Variants in PAG1 observed in about 807,000 individuals in gnomAD.
PAG1 encodes phosphoprotein membrane anchor with glycosphingolipid microdomains 1.
Under a neutral mutation model 31.7 loss-of-function variants are expected in PAG1, and 23 were observed. The ratio of observed to expected loss-of-function variants is 0.73; its 90% CI spans 0.52 to 1.03. The LOEUF is 1.03. Among genes scored for constraint, PAG1 ranks in the 50% least tolerant of loss-of-function variants. The pLI is 0.00. For synonymous variants in PAG1, 214 were observed against 210.3 expected (o/e 1.02, Z -0.15); for missense variants, 473 against 540.7 (o/e 0.87, Z 1.24).
rs1415008249 is a variant in PAG1 at position 80,987,443 on chromosome 8, G to A, written c.201C>T (p.Ser67=). The change falls in exon 6 of 9, where the codon AGC becomes AGT. Residue 67 remains serine (S), a synonymous_variant. Coordinates refer to ENST00000220597, the MANE Select transcript of PAG1 (RefSeq NM_018440.4). Reference sequence around the variant, plus strand: ...CTGTTGCCAGGCTAGTAACTGAACGGCTGAACATCTCCTTGTCTGAAGGCT... The same window carrying A: ...CTGTTGCCAGGCTAGTAACTGAACGACTGAACATCTCCTTGTCTGAAGGCT... ...MNVPSDKEMF[S]RSVTSLATDA... 2 of 1,613,550 alleles carry A rather than the reference G, an allele frequency of 1.2e-6. No individual in the cohort carries two copies. Among genetic ancestry groups the A allele is most frequent in the South Asian group, 1.1e-5 (1 of 91,068 alleles).
At chr8:81,011,161 G>A (rs939611533) in intron 3 of PAG1, among the ~76,000 whole-genome samples, 4 of 152,006 alleles carry the variant, frequency 2.6e-5, no homozygotes, top group African/African-American at 7.3e-5. Context: ...GAACCTTCAT[G>A]AGCACAAACT....
At chr8:81,018,648 C>A (rs1410104762) in intron 3 of PAG1, among the ~76,000 whole-genome samples, 1 of 152,224 alleles carries the variant, frequency 6.6e-6, no homozygotes, top group African/African-American at 2.4e-5. Flanking sequence ...TGCTCTCTTG[C>A]CTGCTGCCAT....
intron 2 of PAG1, among the ~76,000 whole-genome samples, chr8:81,034,290 A>G (rs1332732451): frequency 1.3e-5 from 2 of 152,218 alleles, no homozygotes; most frequent in East Asian, 3.9e-4. Flanking sequence ...ATTGCTCAAT[A>G]TTTATTCACT....
intron 3 of PAG1, among the ~76,000 whole-genome samples, chr8:81,001,079 T>A (rs1055620090): frequency 2.6e-5 from 4 of 152,234 alleles, no homozygotes; most frequent in Non-Finnish European, 5.9e-5. Flanking sequence ...CTAAGCATCC[T>A]ATGAGTCTCA....
intron 2 of PAG1, among the ~76,000 whole-genome samples, chr8:81,035,252 T>C (rs1808444032): frequency 6.6e-6 from 1 of 152,000 alleles, no homozygotes; most frequent in South Asian, 2.1e-4. Context: ...ACACAGACTA[T>C]GAGACCCAAA....
At chr8:81,101,884 A>C (rs1010317083) in intron 1 of PAG1, among the ~76,000 whole-genome samples, 2 of 152,172 alleles carry the variant, frequency 1.3e-5, no homozygotes, top group Non-Finnish European at 2.9e-5. Context: ...GACAAAGAAA[A>C]TTTAATTACT....
chr8:81,004,451 A>G, intron 3 of PAG1, among the ~76,000 whole-genome samples: 1 of 152,208 alleles, frequency 6.6e-6, no homozygotes, highest in East Asian at 1.9e-4. Flanking sequence ...CATTAAACAC[A>G]TAATTGATAA....
At chr8:81,025,379 C>A (rs954296519) in intron 3 of PAG1, among the ~76,000 whole-genome samples, 2 of 152,174 alleles carry the variant, frequency 1.3e-5, no homozygotes, top group Admixed American at 6.5e-5. Flanking sequence ...TGTTTGTTTT[C>A]TCTTTTGGGG....
At position 81,052,280 on chromosome 8, in the gene PAG1, C is replaced by T. The variant is rs192694509; in HGVS notation, c.-175+17832G>A. On this transcript the variant is annotated intron_variant, in intron 2 of 8. Transcript: ENST00000220597. ...GTGATTTTTATGTGATACTCTGTGT[C>T]GAGACTTTAAGTGCCACCTCTAGCT... is the stretch of plus-strand genomic sequence containing the variant. Among the ~76,000 whole-genome samples the T allele has an allele frequency of 2.7e-3, 413 of 152,112 alleles. 3 individuals are homozygous for T. Among genetic ancestry groups the T allele is most frequent in the African/African-American group, 9.4e-3 (390 of 41,500 alleles).
At chr8:81,021,757 A>AAGGTTAAAAAG (rs1808176004) in intron 3 of PAG1, among the ~76,000 whole-genome samples, 1 of 152,096 alleles carries the variant, frequency 6.6e-6, no homozygotes, top group Admixed American at 6.6e-5. Flanking sequence ...AAAGAATTCG[A>AAGGTTAAAAAG]CATTTAGAAG....
In PAG1 at chr8:80,968,516, A is replaced by G. The variant is rs996281524; in HGVS notation, c.*8028T>C. 2.0e-5 allele frequency: 3 copies of G among 152,178 alleles called. No individual in the cohort carries two copies. Among genetic ancestry groups the G allele is most frequent in the Non-Finnish European group, 4.4e-5 (3 of 68,016 alleles). 9.4% of individuals were successfully genotyped at this position (152,178 alleles called of 1,614,324 possible). A position where few individuals can be genotyped will look rare whatever the true frequency, so the allele number is the denominator to read the frequency against. On this transcript the variant is annotated 3_prime_UTR_variant, in exon 9 of 9. Transcript: ENST00000220597. The stretch of plus-strand genomic sequence containing the variant: ...ATAAATAAAAAAGTGCATTTTTTTC[A>G]CCCATAAAAATTTTTGAAATACTAT...
intron 2 of PAG1, among the ~76,000 whole-genome samples, chr8:81,031,537 G>A (rs1471222200): frequency 3.9e-5 from 6 of 152,166 alleles, no homozygotes; most frequent in Non-Finnish European, 8.8e-5. Flanking sequence ...GAATTCTCCT[G>A]AATTAGCCAG....
At chr8:81,057,846 C>A (rs1353169070) in intron 2 of PAG1, among the ~76,000 whole-genome samples, 4 of 152,102 alleles carry the variant, frequency 2.6e-5, no homozygotes, top group Non-Finnish European at 5.9e-5. Context: ...ATCCCTTTTT[C>A]AAGTTAATGA....
chr8:80,994,276 C>G (rs1163386083), intron 3 of PAG1, among the ~76,000 whole-genome samples: 1 of 152,176 alleles, frequency 6.6e-6, no homozygotes, highest in East Asian at 1.9e-4. Context: ...TTTACACTAC[C>G]CTGCTGTGAG....
chr8:81,051,053 C>T (rs941720420), intron 2 of PAG1, among the ~76,000 whole-genome samples: 1 of 152,196 alleles, frequency 6.6e-6, no homozygotes, highest in Non-Finnish European at 1.5e-5. Flanking sequence ...ATATATATGC[C>T]TCTTAATGAA....
At position 81,089,151 on chromosome 8, in the gene PAG1, T is replaced by G. The variant is rs1809406168; in HGVS notation, c.-233-18981A>C. On this transcript the variant is annotated intron_variant, in intron 1 of 8. Transcript: ENST00000220597. ...GGTCTGAGACAAAGGACTTAATTAT[T>G]TATGGGATAGTTAACAGCATTAAGT... is the stretch of plus-strand genomic sequence containing the variant. 2.6e-5 allele frequency among the ~76,000 whole-genome samples: 4 copies of G among 152,324 alleles called. No homozygotes were observed. The South Asian group carries it at 8.3e-4, about 32-fold the overall frequency.
At chr8:81,009,331 T>G (rs1013465599) in intron 3 of PAG1, among the ~76,000 whole-genome samples, 14 of 152,208 alleles carry the variant, frequency 9.2e-5, no homozygotes, top group Non-Finnish European at 1.8e-4. Context: ...GACTATTCCT[T>G]TATAGATTTT....
chr8:80,989,800 C>T (rs2130474637), intron 5 of PAG1, among the ~76,000 whole-genome samples: 1 of 152,182 alleles, frequency 6.6e-6, no homozygotes, highest in East Asian at 1.9e-4. Context: ...CTGGGCCTCA[C>T]CCCCAGGAAA....
intron 1 of PAG1, among the ~76,000 whole-genome samples, chr8:81,074,042 C>A (rs934111000): frequency 6.6e-6 from 1 of 152,098 alleles, no homozygotes; most frequent in African/African-American, 2.4e-5. Context: ...TGTGGGCACA[C>A]GTGCAGACAT....
Sources: allele counts gnomAD v4.1 joint callset (sites outside exome capture counted in the v4.1 genomes callset), GRCh38; gene constraint gnomAD v4.1.1; transcripts MANE v1.5; gene names NCBI Gene and HGNC (gene_info 2026-07-23, HGNC 2026-07-21).